PCDHA10: variants seen among roughly 807,000 people sequenced by gnomAD.
The protein encoded by PCDHA10 is protocadherin alpha-10.
In PCDHA10, 45 loss-of-function variants were observed where a neutral mutation model predicts 61.2. That is an observed-to-expected ratio of 0.74 (90% CI 0.58 to 0.94). The LOEUF (loss-of-function observed/expected upper bound fraction) is 0.94, where lower values mean the gene tolerates loss of function less well. Among genes scored for constraint, PCDHA10 ranks in the 40% least tolerant of loss-of-function variants. The pLI is 0.00. For missense variants in PCDHA10, 1,278 were observed against 1,236.2 expected (o/e 1.03, Z -0.51); for synonymous variants, 602 against 548.8 (o/e 1.10, Z -1.35).
At chr5:140,871,289 G>A (rs955449203) in intron 1 of PCDHA10, 1 of 1,613,792 alleles carries the variant, frequency 6.2e-7, no homozygotes, top group African/African-American at 1.3e-5. Context: ...CCCACTGAGG[G>A]CGCGTGCGCG....
intron 1 of PCDHA10, chr5:140,860,548 T>C (rs1219356676): frequency 6.6e-6 from 1 of 152,138 alleles, no homozygotes; most frequent in Non-Finnish European, 1.5e-5. Flanking sequence ...CAAACCCACC[T>C]TTGAAGAGGT....
Position 140,856,900 on chromosome 5 carries a change from C to A in PCDHA10, c.852C>A (p.Val284=). ...TGATGTATTCATTTAGCTCTTTGGT[C>A]CCACCCACGATAAGAAGGAAATTTT... The part of the protein sequence containing the change: ...KEMMYSFSSL[V]PPTIRRKFWI... The change falls in exon 1 of 4, where the codon GTC becomes GTA. Residue 284 remains valine (V), a synonymous_variant. Transcript: ENST00000307360. 6.3e-7 allele frequency: 1 copy of A among 1,596,130 alleles called. No homozygotes were observed. Among genetic ancestry groups the A allele is most frequent in the Non-Finnish European group, 8.6e-7 (1 of 1,166,050 alleles).
At chr5:140,867,166 G>T (rs773226125) in intron 1 of PCDHA10, 1 of 152,006 alleles carries the variant, frequency 6.6e-6, no homozygotes, top group Non-Finnish European at 1.5e-5. Context: ...ACCTTCTAAG[G>T]TTCATTTCCC....
At chr5:140,884,493 C>T (rs782633321) in intron 1 of PCDHA10, 2 of 1,614,038 alleles carry the variant, frequency 1.2e-6, no homozygotes, top group African/African-American at 1.3e-5. Flanking sequence ...CTAGTGTGCT[C>T]CAGCGCGGCA....
At chr5:140,947,627 A>C (rs1375142600) in intron 1 of PCDHA10, among the ~76,000 whole-genome samples, 1 of 151,696 alleles carries the variant, frequency 6.6e-6, no homozygotes, top group Non-Finnish European at 1.5e-5. Context: ...ATATTGAGTC[A>C]TCAGATCGTA....
chr5:140,907,558 A>G (rs2073449629), intron 1 of PCDHA10, among the ~76,000 whole-genome samples: 1 of 152,186 alleles, frequency 6.6e-6, no homozygotes, highest in Non-Finnish European at 1.5e-5. Flanking sequence ...GGTCCAATAT[A>G]ATCAACTTGC....
rs200121350 is a variant in PCDHA10 at position 140,876,941 on chromosome 5, T to C, written c.2388+18505T>C. The C allele has an allele frequency of 7.9e-5, 128 of 1,613,666 alleles. No individual in the cohort carries two copies. The Middle Eastern group carries it at 1.4e-3, about 17-fold the overall frequency. ...GCGGACGCGCAGAAGAACGCGCTGGTGTCCTACTCGCTGGTGGAGCGGCGG... is the reference window on the plus strand; with the variant it reads ...GCGGACGCGCAGAAGAACGCGCTGGCGTCCTACTCGCTGGTGGAGCGGCGG... On this transcript the variant is annotated intron_variant, in intron 1 of 3. Coordinates refer to ENST00000307360, the MANE Select transcript of PCDHA10 (RefSeq NM_018901.4).
intron 1 of PCDHA10, among the ~76,000 whole-genome samples, chr5:140,940,131 G>A (rs1443086111): frequency 7.2e-5 from 11 of 152,092 alleles, no homozygotes; most frequent in African/African-American, 2.4e-4. Context: ...ATTTCTGCTA[G>A]TGATAAACTA....
intron 1 of PCDHA10, among the ~76,000 whole-genome samples, chr5:140,921,417 A>C (rs1292321863): frequency 6.6e-6 from 1 of 152,210 alleles, no homozygotes; most frequent in Non-Finnish European, 1.5e-5. Flanking sequence ...TCTGTGCTGC[A>C]GACAAAAATT....
intron 1 of PCDHA10, among the ~76,000 whole-genome samples, chr5:140,893,180 C>G (rs1388898676): frequency 6.6e-6 from 1 of 152,208 alleles, no homozygotes; most frequent in Non-Finnish European, 1.5e-5. Context: ...CACATAGTAG[C>G]TATTGTGAAT....
intron 1 of PCDHA10, chr5:140,883,099 A>C: frequency 6.2e-7 from 1 of 1,614,150 alleles, no homozygotes. Flanking sequence ...ATGGAGATAT[A>C]GTTTACTCAT....
In PCDHA10 at chr5:140,981,654, ATTTCTTCCTTCC is replaced by A. The variant is rs563193906; in HGVS notation, c.2448-807_2448-796del. Among the ~76,000 whole-genome samples the A allele has an allele frequency of 1.4e-4, 22 of 152,142 alleles. No individual in the cohort carries two copies. In the East Asian group the frequency reaches 3.9e-3, roughly 27 times the overall value. On this transcript the variant is annotated intron_variant, in intron 2 of 3. Coordinates refer to ENST00000307360, the MANE Select transcript of PCDHA10 (RefSeq NM_018901.4). ...GACATTTTCTCTTAGGATCCCACTTATTTCTTCCTTCCTTTCTTCCTTCCTCCCTTCCATCAT... is the reference window on the plus strand; with the variant it reads ...GACATTTTCTCTTAGGATCCCACTTATTTCTTCCTTCCTCCCTTCCATCAT...
chr5:140,995,113 A>G (rs560699104), intron 3 of PCDHA10, among the ~76,000 whole-genome samples: 68 of 152,252 alleles, frequency 4.5e-4, no homozygotes, highest in Non-Finnish European at 8.4e-4. Flanking sequence ...CAAGACCCTC[A>G]GTGGATGCCT....
intron 1 of PCDHA10, among the ~76,000 whole-genome samples, chr5:140,901,473 A>C (rs1554189862): frequency 1.3e-5 from 2 of 152,012 alleles, no homozygotes. Flanking sequence ...TCTCGAGTTT[A>C]TGTTCTTGGC....
At chr5:140,936,418 T>G (rs2090950050) in intron 1 of PCDHA10, among the ~76,000 whole-genome samples, 1 of 152,222 alleles carries the variant, frequency 6.6e-6, no homozygotes, top group African/African-American at 2.4e-5. Context: ...ATGTTACTAA[T>G]TTTAATTAAT....
intron 1 of PCDHA10, among the ~76,000 whole-genome samples, chr5:140,907,186 C>A (rs782137829): frequency 1.3e-4 from 20 of 152,186 alleles, no homozygotes; most frequent in Non-Finnish European, 2.5e-4. Context: ...AGAGCATACA[C>A]AACCTTCTGG....
intron 1 of PCDHA10, chr5:140,876,550 C>T: frequency 6.2e-7 from 1 of 1,614,186 alleles, no homozygotes; most frequent in Non-Finnish European, 8.5e-7. Context: ...GCTCCCTGTG[C>T]AAGAGGATGC....
intron 3 of PCDHA10, among the ~76,000 whole-genome samples, chr5:140,993,462 T>TCTCACA (rs1235362335): frequency 7.1e-6 from 1 of 140,938 alleles, no homozygotes; most frequent in Non-Finnish European, 1.5e-5. Flanking sequence ...TCTTTCTTTC[T>TCTCACA]CACACACACA....
intron 1 of PCDHA10, chr5:140,863,675 G>T (rs782582155): frequency 1.1e-4 from 31 of 292,406 alleles, no homozygotes; most frequent in South Asian, 4.0e-4. Context: ...TTTTGCTTTT[G>T]CTTTTTCTTT....
Sources: allele counts gnomAD v4.1 joint callset (sites outside exome capture counted in the v4.1 genomes callset), GRCh38; gene constraint gnomAD v4.1.1; transcripts MANE v1.5; gene names NCBI Gene and HGNC (gene_info 2026-07-23, HGNC 2026-07-21).